Variants in FCHSD2 observed in about 807,000 individuals in gnomAD.
FCHSD2 encodes the protein FCH and double SH3 domains 2.
Under a neutral mutation model 108.1 loss-of-function variants are expected in FCHSD2, and 38 were observed. That is an observed-to-expected ratio of 0.35 (90% CI 0.27 to 0.46). The LOEUF is 0.46. Ranked by LOEUF, FCHSD2 falls within the 20% of genes least tolerant of loss-of-function variation. FCHSD2 has a pLI of 1.00. For missense variants in FCHSD2, 751 were observed against 897.8 expected (o/e 0.84, Z 2.09); for synonymous variants, 279 against 314.7 (o/e 0.89, Z 1.20).
At chr11:72,840,833 G>C in intron 19 of FCHSD2, 44 bp downstream of exon 19, 1 of 1,372,660 alleles carries the variant, frequency 7.3e-7, no homozygotes, top group Non-Finnish European at 1.0e-6. Context: ...CTTTCAATTT[G>C]GAAGAACTAT....
chr11:73,001,029 T>C lies in FCHSD2; in HGVS notation c.348A>G (p.Ala116=). ...GTTCTTTTAAGCTTCTCACTGTCCT[T>C]GCAGGCTCAGAAATGAAGTTTTTAT... ...ENYKNFISEP[A]RTVRSLKEQQ... is the part of the protein sequence containing the mutation. The change falls in exon 5 of 20, where the codon GCA becomes GCG. Residue 116 remains alanine, a synonymous_variant. Coordinates refer to ENST00000409418, the MANE Select transcript of FCHSD2 (RefSeq NM_014824.3). The C allele has an allele frequency of 3.1e-6, 5 of 1,611,912 alleles. No individual in the cohort carries two copies. The highest frequency in any genetic ancestry group is 4.2e-6 in the Non-Finnish European group (5 of 1,179,000).
chr11:72,862,578 A>G (rs1356976407), intron 13 of FCHSD2, among the ~76,000 whole-genome samples: 2 of 152,250 alleles, frequency 1.3e-5, no homozygotes, highest in Non-Finnish European at 2.9e-5. Flanking sequence ...GAGAGAAATT[A>G]AAGTCCTAAA....
intron 3 of FCHSD2, among the ~76,000 whole-genome samples, chr11:73,071,897 T>A (rs1859446085): frequency 6.6e-6 from 1 of 152,126 alleles, no homozygotes; most frequent in Admixed American, 6.5e-5. Context: ...GCCTGACACA[T>A]GATCTTAATA....
At chr11:73,047,768 CT>C (rs998850296) in intron 3 of FCHSD2, among the ~76,000 whole-genome samples, 1 of 152,122 alleles carries the variant, frequency 6.6e-6, no homozygotes, top group African/African-American at 2.4e-5. Context: ...AATGTATTGA[CT>C]TTTTTATAAT....
At chr11:72,845,140 G>A (rs571553947) in intron 14 of FCHSD2, among the ~76,000 whole-genome samples, 116 of 152,288 alleles carry the variant, frequency 7.6e-4, no homozygotes, top group Non-Finnish European at 1.4e-3. Flanking sequence ...CTATGGAGAG[G>A]CTGAGTGAGG....
At chr11:73,087,459 A>C (rs1859847124) in intron 2 of FCHSD2, among the ~76,000 whole-genome samples, 1 of 152,124 alleles carries the variant, frequency 6.6e-6, no homozygotes, top group South Asian at 2.1e-4. Flanking sequence ...TAATCCCAGC[A>C]TTTTGGGAGG....
At chr11:72,976,491 G>T (rs1183965938) in intron 8 of FCHSD2, among the ~76,000 whole-genome samples, 1 of 152,018 alleles carries the variant, frequency 6.6e-6, no homozygotes, top group Non-Finnish European at 1.5e-5. Flanking sequence ...TGCTGCCCAG[G>T]CTGGTCTCAA....
intron 8 of FCHSD2, among the ~76,000 whole-genome samples, chr11:72,938,049 G>A (rs1314541649): frequency 6.6e-6 from 1 of 152,182 alleles, no homozygotes; most frequent in Non-Finnish European, 1.5e-5. Flanking sequence ...ATTGAGATAG[G>A]AGGAAAGCAT....
chr11:72,942,378 T>C (rs1856436514), intron 8 of FCHSD2, among the ~76,000 whole-genome samples: 1 of 152,244 alleles, frequency 6.6e-6, no homozygotes, highest in African/African-American at 2.4e-5. Context: ...AAACCTCTTT[T>C]CTTTATATTA....
chr11:72,989,970 C>A (rs1336894834), intron 5 of FCHSD2, among the ~76,000 whole-genome samples: 1 of 152,090 alleles, frequency 6.6e-6, no homozygotes, highest in Non-Finnish European at 1.5e-5. Context: ...AGGGCAAGGA[C>A]ATCAGAAGAA....
intron 9 of FCHSD2, among the ~76,000 whole-genome samples, chr11:72,905,236 CCT>C (rs1855604038): frequency 6.6e-6 from 1 of 152,072 alleles, no homozygotes; most frequent in East Asian, 1.9e-4. Flanking sequence ...TGATCTTCTC[CCT>C]GTGCCTGTGT....
intron 2 of FCHSD2, 99 bp downstream of exon 2, chr11:73,139,932 C>A: frequency 3.1e-6 from 2 of 638,992 alleles, no homozygotes; most frequent in Non-Finnish European, 5.2e-6. Flanking sequence ...AGCAGGAAAT[C>A]CAAAAGGAAA....
chr11:73,006,006 C>G (rs374410891), intron 4 of FCHSD2, among the ~76,000 whole-genome samples: 136 of 151,312 alleles, frequency 9.0e-4, no homozygotes, highest in African/African-American at 3.2e-3. Flanking sequence ...CCCCTGGACT[C>G]AAGTGGTCCT....
intron 13 of FCHSD2, among the ~76,000 whole-genome samples, chr11:72,859,980 A>T (rs1321371410): frequency 6.6e-6 from 1 of 152,182 alleles, no homozygotes; most frequent in African/African-American, 2.4e-5. Context: ...CATGGACTGG[A>T]CCCTTGGGGT....
chr11:72,940,648 C>T (rs1375113202), intron 8 of FCHSD2: 1 of 1,431,748 alleles, frequency 7.0e-7, no homozygotes, highest in Non-Finnish European at 9.8e-7. Context: ...AGCGCGCCGA[C>T]CAGGCTGCAA....
intron 3 of FCHSD2, among the ~76,000 whole-genome samples, chr11:73,041,135 G>A (rs991399360): frequency 6.6e-6 from 1 of 152,104 alleles, no homozygotes; most frequent in Non-Finnish European, 1.5e-5. Context: ...ATCTGTTGAT[G>A]GACACGTAGG....
In FCHSD2 at chr11:72,920,967, G is replaced by A. The variant is rs144649889; in HGVS notation, c.828+861C>T. On this transcript the variant is annotated intron_variant, in intron 9 of 19. Transcript: ENST00000409418. ...AGAATATATATACAAGAGGCATTCA[G>A]GATGAAGAGTCTGTGCTTTTCTTTC... Among the ~76,000 whole-genome samples the A allele has an allele frequency of 3.4e-3, 522 of 152,216 alleles. 3 individuals are homozygous for A. Among genetic ancestry groups the A allele is most frequent in the Non-Finnish European group, 5.8e-3 (395 of 68,010 alleles).
rs377534328 is a variant in FCHSD2 at position 72,915,691 on chromosome 11, G to A, written c.828+6137C>T. ...AAATTAGCCGGGCGCGGTGGTGGGCGCCTATAATCCCAGCTACTCGGGAGG... is the reference window on the plus strand; with the variant it reads ...AAATTAGCCGGGCGCGGTGGTGGGCACCTATAATCCCAGCTACTCGGGAGG... On this transcript the variant is annotated intron_variant, in intron 9 of 19. Coordinates refer to ENST00000409418, the MANE Select transcript of FCHSD2 (RefSeq NM_014824.3). Among the ~76,000 whole-genome samples, 26 of 152,202 alleles carry A rather than the reference G, an allele frequency of 1.7e-4. No homozygotes were observed. In the East Asian group the frequency reaches 1.9e-3, roughly 11 times the overall value.
In FCHSD2 at chr11:73,107,249, T is replaced by C. The variant is rs150078842; in HGVS notation, c.120-23509A>G. Among the ~76,000 whole-genome samples the C allele has an allele frequency of 8.4e-3, 1,285 of 152,260 alleles. 7 individuals carry two copies. Among genetic ancestry groups the C allele is most frequent in the Non-Finnish European group, 0.015 (1,000 of 68,008 alleles). On this transcript the variant is annotated intron_variant, in intron 2 of 19. Transcript: ENST00000409418. ...TTTGTATTTTTAGTAGAGACAGGGT[T>C]TCACCATGTTGGCCAGGATAGTCGA... is the stretch of plus-strand genomic sequence containing the variant.
Sources: gnomAD v4.1 joint callset for allele counts (sites outside exome capture counted in the v4.1 genomes callset) on GRCh38, gnomAD v4.1.1 for gene constraint, MANE v1.5 for transcripts, NCBI Gene and HGNC (gene_info 2026-07-23, HGNC 2026-07-21) for gene names.